OPCML: variants seen among roughly 807,000 people sequenced by gnomAD.
The protein encoded by OPCML is opioid-binding protein/cell adhesion molecule.
OPCML carries 13 observed loss-of-function variants against 37.8 expected under a neutral mutation model. That is an observed-to-expected ratio of 0.34 (90% CI 0.22 to 0.55). The LOEUF is 0.55. OPCML is among the 20% of genes least tolerant of loss of function. The probability of loss-of-function intolerance (pLI) is 0.91; values close to 1 mark genes in which losing one functional copy is unlikely to be tolerated. For missense variants in OPCML, 341 were observed against 435.6 expected, an observed-to-expected ratio of 0.78 and a Z score of 1.93; for synonymous variants, 176 against 168.8, an observed-to-expected ratio of 1.04 and a Z score of -0.33.
chr11:133,002,554 A>C (rs1947024744), intron 1 of OPCML, among the ~76,000 whole-genome samples: 1 of 152,212 alleles, frequency 6.6e-6, no homozygotes, highest in South Asian at 2.1e-4. Context: ...CTGTGTGCCC[A>C]CAGGGGTAGC....
intron 2 of OPCML, among the ~76,000 whole-genome samples, chr11:132,865,208 A>G (rs1942483965): frequency 6.6e-6 from 1 of 152,240 alleles, no homozygotes; most frequent in Non-Finnish European, 1.5e-5. Context: ...ACACACACAT[A>G]CATACATCTT....
At chr11:132,480,037 G>C (rs1325041128) in intron 4 of OPCML, among the ~76,000 whole-genome samples, 3 of 152,224 alleles carry the variant, frequency 2.0e-5, no homozygotes, top group Non-Finnish European at 1.5e-5. Flanking sequence ...TTGACGAGCT[G>C]AGAGAAGAAG....
At chr11:132,562,869 C>A (rs2096413629) in intron 3 of OPCML, among the ~76,000 whole-genome samples, 1 of 152,152 alleles carries the variant, frequency 6.6e-6, no homozygotes, top group African/African-American at 2.4e-5. Flanking sequence ...AGCTCAAATG[C>A]CACCAGTGAT....
At chr11:133,077,415 T>TAC (rs1203364668) in intron 1 of OPCML, among the ~76,000 whole-genome samples, 3 of 152,156 alleles carry the variant, frequency 2.0e-5, no homozygotes, top group Non-Finnish European at 4.4e-5. Flanking sequence ...GCAAGATCCC[T>TAC]ACCTAATGAC....
At chr11:133,175,891 G>A (rs1024848154) in intron 1 of OPCML, among the ~76,000 whole-genome samples, 11 of 152,084 alleles carry the variant, frequency 7.2e-5, no homozygotes, top group South Asian at 2.1e-4. Flanking sequence ...AAAAAAAGTC[G>A]TGCCTGTGGT....
intron 1 of OPCML, among the ~76,000 whole-genome samples, chr11:133,507,116 G>A (rs1028533923): frequency 5.9e-5 from 9 of 152,180 alleles, no homozygotes; most frequent in Admixed American, 2.6e-4. Flanking sequence ...AGAGAAGACC[G>A]TTATCCACTG....
intron 1 of OPCML, among the ~76,000 whole-genome samples, chr11:133,494,146 A>C (rs1947728150): frequency 1.3e-5 from 2 of 152,230 alleles, no homozygotes; most frequent in African/African-American, 4.8e-5. Context: ...GCCATCAGAG[A>C]AATGCAAATC....
chr11:132,887,719 G>A (rs1166561481), intron 2 of OPCML, among the ~76,000 whole-genome samples: 2 of 152,212 alleles, frequency 1.3e-5, no homozygotes, highest in Non-Finnish European at 2.9e-5. Context: ...AAACAGGTAG[G>A]ATTGATGTAA....
chr11:133,134,941 T>C (rs909035823), intron 1 of OPCML, among the ~76,000 whole-genome samples: 1 of 152,180 alleles, frequency 6.6e-6, no homozygotes, highest in Non-Finnish European at 1.5e-5. Flanking sequence ...CAGACTCTCC[T>C]CCTCTTCATT....
intron 1 of OPCML, among the ~76,000 whole-genome samples, chr11:133,288,117 C>A (rs1291919704): frequency 6.6e-6 from 1 of 152,192 alleles, no homozygotes; most frequent in Non-Finnish European, 1.5e-5. Flanking sequence ...CAGCTTCCTG[C>A]GGTGAATGAA....
chr11:133,446,068 T>C (rs1946468406), intron 1 of OPCML, among the ~76,000 whole-genome samples: 1 of 152,186 alleles, frequency 6.6e-6, no homozygotes, highest in Non-Finnish European at 1.5e-5. Context: ...TAGAAGTATG[T>C]TCTGCTCATT....
chr11:133,098,364 C>T (rs574492196), intron 1 of OPCML, among the ~76,000 whole-genome samples: 23 of 151,796 alleles, frequency 1.5e-4, no homozygotes, highest in East Asian at 3.9e-4. Flanking sequence ...TACAGGCGCC[C>T]GCCACCACAC....
chr11:132,610,835 A>G (rs1479084596), intron 3 of OPCML, among the ~76,000 whole-genome samples: 3 of 152,234 alleles, frequency 2.0e-5, no homozygotes, highest in Non-Finnish European at 1.5e-5. Context: ...AACATTTTCC[A>G]TAGAAAATTA....
intron 1 of OPCML, among the ~76,000 whole-genome samples, chr11:133,119,277 TA>T (rs777827896): frequency 1.3e-5 from 2 of 152,088 alleles, no homozygotes; most frequent in African/African-American, 2.4e-5. Context: ...CCAAATTATC[TA>T]TATCACTTAT....
intron 2 of OPCML, among the ~76,000 whole-genome samples, chr11:132,811,165 A>G (rs967173271): frequency 2.0e-5 from 3 of 152,152 alleles, no homozygotes; most frequent in Non-Finnish European, 2.9e-5. Flanking sequence ...ATATTAATTA[A>G]CCAATCAAAC....
intron 1 of OPCML, among the ~76,000 whole-genome samples, chr11:133,404,876 C>G (rs1005387998): frequency 6.6e-6 from 1 of 152,120 alleles, no homozygotes; most frequent in African/African-American, 2.4e-5. Flanking sequence ...AAAATACAAA[C>G]AGATAATATC....
At chr11:132,844,262 T>C (rs892732700) in intron 2 of OPCML, among the ~76,000 whole-genome samples, 3 of 152,200 alleles carry the variant, frequency 2.0e-5, no homozygotes, top group African/African-American at 7.2e-5. Flanking sequence ...GAAAGACTAA[T>C]ACAGTGGTGA....
At chr11:132,876,997 C>T (rs867482241) in intron 2 of OPCML, among the ~76,000 whole-genome samples, 1 of 152,294 alleles carries the variant, frequency 6.6e-6, no homozygotes, top group Middle Eastern at 3.4e-3. Flanking sequence ...AATGGCTGTC[C>T]TTGTGGGGAA....
intron 1 of OPCML, among the ~76,000 whole-genome samples, chr11:133,138,367 G>T (rs1394786567): frequency 6.6e-6 from 1 of 152,082 alleles, no homozygotes; most frequent in Non-Finnish European, 1.5e-5. Context: ...AACACTAAAC[G>T]GATTAAGACA....
Sources: gnomAD v4.1 joint callset for allele counts (sites outside exome capture counted in the v4.1 genomes callset) on GRCh38, gnomAD v4.1.1 for gene constraint, MANE v1.5 for transcripts, NCBI Gene and HGNC (gene_info 2026-07-23, HGNC 2026-07-21) for gene names.